Variants in OXR1 observed in about 807,000 individuals in gnomAD.
OXR1 encodes the protein oxidation resistance protein 1.
A neutral mutation model predicts 104.6 loss-of-function variants in OXR1; 41 were observed. That is an observed-to-expected ratio of 0.39 (90% confidence interval 0.31 to 0.51). The LOEUF (loss-of-function observed/expected upper bound fraction) is 0.51. Ranked by LOEUF, OXR1 falls within the 20% of genes least tolerant of loss-of-function variation. OXR1 has a pLI of 0.77. For missense variants in OXR1, 955 were observed against 1,031.9 expected, an observed-to-expected ratio of 0.93 and a Z score of 1.02; for synonymous variants, 348 against 348.4, an observed-to-expected ratio of 1.00 and a Z score of 0.01.
At chr8:106,538,668 A>G (rs948074546) in intron 3 of OXR1, among the ~76,000 whole-genome samples, 1 of 152,226 alleles carries the variant, frequency 6.6e-6, no homozygotes, top group Non-Finnish European at 1.5e-5. Context: ...ATATCTGTAT[A>G]GAAAGGGATC....
At chr8:106,749,449 C>T (rs1784470) in intron 16 of OXR1, among the ~76,000 whole-genome samples, 132,089 of 152,166 alleles carry the variant, frequency 0.87, 57,606 homozygotes, top group East Asian at 0.95. Context: ...GTTATAGCCA[C>T]CCAAATTATA....
intron 11 of OXR1, among the ~76,000 whole-genome samples, chr8:106,726,882 T>G (rs955147033): frequency 6.6e-6 from 1 of 152,216 alleles, no homozygotes; most frequent in African/African-American, 2.4e-5. Flanking sequence ...GTGTACATTG[T>G]TATAAAATGT....
intron 1 of OXR1, among the ~76,000 whole-genome samples, chr8:106,305,120 T>C (rs532429260): frequency 6.6e-6 from 1 of 152,276 alleles, no homozygotes; most frequent in African/African-American, 2.4e-5. Flanking sequence ...AAAACTATTA[T>C]GTAGAGAAGA....
At chr8:106,376,451 G>A (rs540863781) in intron 2 of OXR1, among the ~76,000 whole-genome samples, 2 of 152,266 alleles carry the variant, frequency 1.3e-5, no homozygotes, top group African/African-American at 4.8e-5. Context: ...CAAAGCCTGA[G>A]TTCATGATCA....
In OXR1 at chr8:106,751,721, TAGTA is replaced by T. The variant is rs1285553786; in HGVS notation, c.*783_*786del. ...ACATACTATTTACATATGTGTAGCT[TAGTA>T]AGGCATTAACATAAGTACAAAAACT... On this transcript the variant is annotated 3_prime_UTR_variant, in exon 17 of 17. Coordinates refer to ENST00000517566, the MANE Select transcript of OXR1 (RefSeq NM_001198533.2). 3 of 152,556 alleles carry T rather than the reference TAGTA, an allele frequency of 2.0e-5. No homozygotes were observed. The highest frequency in any genetic ancestry group is 6.5e-5 in the Admixed American group (1 of 15,274). 9.5% of individuals were successfully genotyped at this position (152,556 alleles called of 1,614,324 possible). A position where few individuals can be genotyped will look rare whatever the true frequency, so the allele number is the denominator to read the frequency against.
intron 2 of OXR1, among the ~76,000 whole-genome samples, chr8:106,389,095 T>C (rs1817496907): frequency 6.6e-6 from 1 of 152,176 alleles, no homozygotes; most frequent in Non-Finnish European, 1.5e-5. Context: ...GATAAATATC[T>C]TTCCAAACCT....
intron 2 of OXR1, among the ~76,000 whole-genome samples, chr8:106,393,947 T>C (rs1319648456): frequency 6.6e-6 from 1 of 152,144 alleles, no homozygotes; most frequent in African/African-American, 2.4e-5. Context: ...TTCTACATTT[T>C]AAAGACAATT....
intron 1 of OXR1, among the ~76,000 whole-genome samples, chr8:106,306,823 C>CT (rs1194563511): frequency 1.6e-4 from 24 of 152,144 alleles, no homozygotes; most frequent in African/African-American, 5.1e-4. Flanking sequence ...CAACTGCTAA[C>CT]CCTTACCCAA....
intron 3 of OXR1, among the ~76,000 whole-genome samples, chr8:106,543,064 G>A (rs758975762): frequency 6.6e-5 from 10 of 152,052 alleles, no homozygotes; most frequent in Non-Finnish European, 1.5e-4. Context: ...TGTGATAAAA[G>A]GGGCTGCACC....
intron 3 of OXR1, among the ~76,000 whole-genome samples, chr8:106,660,831 G>A (rs541613300): frequency 5.5e-4 from 83 of 152,180 alleles, no homozygotes; most frequent in Non-Finnish European, 7.8e-4. Context: ...TAGCCAACAC[G>A]GTGAAACCCT....
intron 6 of OXR1, among the ~76,000 whole-genome samples, chr8:106,690,057 T>C (rs909720747): frequency 2.0e-5 from 3 of 150,972 alleles, no homozygotes; most frequent in Admixed American, 6.6e-5. Context: ...ATCTATCATA[T>C]ACAATATTAT....
intron 2 of OXR1, among the ~76,000 whole-genome samples, chr8:106,361,026 G>A (rs966990589): frequency 3.3e-5 from 5 of 152,144 alleles, no homozygotes; most frequent in Admixed American, 3.3e-4. Flanking sequence ...GCCTGGCCTC[G>A]GTGCATGCTT....
At chr8:106,503,859 A>G (rs1408764054) in intron 2 of OXR1, among the ~76,000 whole-genome samples, 2 of 152,180 alleles carry the variant, frequency 1.3e-5, no homozygotes, top group Non-Finnish European at 2.9e-5. Context: ...ATGCGAGCAG[A>G]AAGAACATGG....
chr8:106,715,441 T>G (rs1006975593), intron 11 of OXR1, among the ~76,000 whole-genome samples: 52 of 145,846 alleles, frequency 3.6e-4, no homozygotes, highest in African/African-American at 1.3e-3. Context: ...ATATGTATCT[T>G]ATATATATAT....
At chr8:106,424,888 A>G (rs766555676) in intron 2 of OXR1, among the ~76,000 whole-genome samples, 2 of 151,708 alleles carry the variant, frequency 1.3e-5, no homozygotes, top group Non-Finnish European at 2.9e-5. Flanking sequence ...TTTTGTATTC[A>G]CATTTCTTCC....
At chr8:106,467,045 CT>C (rs1185071636) in intron 2 of OXR1, among the ~76,000 whole-genome samples, 1 of 151,790 alleles carries the variant, frequency 6.6e-6, no homozygotes, top group African/African-American at 2.4e-5. Context: ...AAGAAAGTTG[CT>C]GCTAGTGATA....
At chr8:106,477,009 A>G (rs1010191839) in intron 2 of OXR1, among the ~76,000 whole-genome samples, 13 of 151,890 alleles carry the variant, frequency 8.6e-5, no homozygotes, top group African/African-American at 2.4e-4. Context: ...TCTTTTCACA[A>G]TGGTCCCTAT....
chr8:106,524,051 C>T (rs932857488), intron 3 of OXR1, among the ~76,000 whole-genome samples: 1 of 152,152 alleles, frequency 6.6e-6, no homozygotes, highest in African/African-American at 2.4e-5. Context: ...GCTGGGATTA[C>T]AGGCATGAAC....
intron 2 of OXR1, among the ~76,000 whole-genome samples, chr8:106,448,402 GT>G (rs1274759629): frequency 6.6e-6 from 1 of 152,046 alleles, no homozygotes; most frequent in Non-Finnish European, 1.5e-5. Context: ...TATGAACACA[GT>G]TTTATTGTTT....
Sources: allele counts gnomAD v4.1 joint callset (sites outside exome capture counted in the v4.1 genomes callset), GRCh38; gene constraint gnomAD v4.1.1; transcripts MANE v1.5; gene names NCBI Gene and HGNC (gene_info 2026-07-23, HGNC 2026-07-21).